NME7: variants seen among roughly 807,000 people sequenced by gnomAD.
NME7 encodes the protein nucleoside diphosphate kinase 7.
Under a neutral mutation model 49.1 loss-of-function variants are expected in NME7, and 41 were observed. The observed-to-expected ratio is 0.83, with a 90% CI of 0.65 to 1.08. The LOEUF (loss-of-function observed/expected upper bound fraction) is 1.08, where lower values mean the gene tolerates loss of function less well. Ranked by LOEUF, NME7 falls within the 50% of genes least tolerant of loss-of-function variation. The pLI is 0.00. For synonymous variants in NME7, 139 were observed against 150.6 expected, an observed-to-expected ratio of 0.92 and a Z score of 0.56; for missense variants, 423 against 463.4, an observed-to-expected ratio of 0.91 and a Z score of 0.80.
At chr1:169,233,082 C>A (rs1248149816) in intron 9 of NME7, among the ~76,000 whole-genome samples, 2 of 149,314 alleles carry the variant, frequency 1.3e-5, no homozygotes, top group East Asian at 4.0e-4. Flanking sequence ...CCACATCTAG[C>A]TAATTTTTGT....
At chr1:169,243,297 T>C (rs1351218190) in intron 7 of NME7, among the ~76,000 whole-genome samples, 1 of 152,164 alleles carries the variant, frequency 6.6e-6, no homozygotes, top group East Asian at 1.9e-4. Context: ...AGAGATAACT[T>C]TTCAACAAAC....
rs374812223 is a variant in NME7 at position 169,255,960 on chromosome 1, A to T, written c.755-18273T>A. 2.3e-5 allele frequency among the ~76,000 whole-genome samples: 3 copies of T among 132,688 alleles called. 1 individual carries two copies. Among genetic ancestry groups the T allele is most frequent in the Admixed American group, 1.5e-4 (2 of 13,490 alleles). The allele number at this position is 132,688 out of a possible 152,430, so 87.0% of individuals were successfully genotyped here. A position where few individuals can be genotyped will look rare whatever the true frequency, so the allele number is the denominator to read the frequency against. Reference sequence around the variant, plus strand: ...TGTTAGTCTGATGGGCTTTCCTTTGAGGGTAACCCGACCTTTCTCTCTGGC... The same window carrying T: ...TGTTAGTCTGATGGGCTTTCCTTTGTGGGTAACCCGACCTTTCTCTCTGGC... On this transcript the variant is annotated intron_variant, in intron 7 of 11. Transcript: ENST00000367811.
intron 11 of NME7, among the ~76,000 whole-genome samples, chr1:169,142,182 A>T (rs1341479667): frequency 6.6e-6 from 1 of 152,220 alleles, no homozygotes; most frequent in Non-Finnish European, 1.5e-5. Context: ...GCATAGTAAG[A>T]TTCAAGTTCA....
chr1:169,253,705 T>C (rs1365342835), intron 7 of NME7, among the ~76,000 whole-genome samples: 3 of 152,230 alleles, frequency 2.0e-5, no homozygotes, highest in African/African-American at 4.8e-5. Context: ...GGGTTTGTCA[T>C]AGATAGCTCT....
intron 11 of NME7, among the ~76,000 whole-genome samples, chr1:169,155,037 T>C (rs1659027854): frequency 6.6e-6 from 1 of 152,128 alleles, no homozygotes; most frequent in Non-Finnish European, 1.5e-5. Context: ...CTTGAACTCC[T>C]TGGCTCAAGC....
intron 6 of NME7, among the ~76,000 whole-genome samples, chr1:169,295,172 G>C (rs1012743085): frequency 6.6e-6 from 1 of 152,094 alleles, no homozygotes; most frequent in African/African-American, 2.4e-5. Flanking sequence ...TCAGGACTAT[G>C]AGCCAAATAA....
intron 1 of NME7, among the ~76,000 whole-genome samples, chr1:169,327,557 T>C (rs769142500): frequency 2.0e-5 from 3 of 152,116 alleles, no homozygotes; most frequent in Non-Finnish European, 4.4e-5. Flanking sequence ...AAGGTCTCTG[T>C]CTATACAGAG....
chr1:169,220,619 T>C (rs1463540420), intron 10 of NME7, among the ~76,000 whole-genome samples: 1 of 152,216 alleles, frequency 6.6e-6, no homozygotes, highest in Non-Finnish European at 1.5e-5. Flanking sequence ...GTATTACAAG[T>C]TATTGCATGC....
At chr1:169,234,395 T>TTATC (rs200636505) in intron 9 of NME7, among the ~76,000 whole-genome samples, 112 of 152,174 alleles carry the variant, frequency 7.4e-4, no homozygotes, top group Admixed American at 5.6e-3. Flanking sequence ...GAGATAGGAA[T>TTATC]TATCACCTTT....
chr1:169,295,207 A>G (rs966884504), intron 6 of NME7, among the ~76,000 whole-genome samples: 1 of 152,190 alleles, frequency 6.6e-6, no homozygotes, highest in Non-Finnish European at 1.5e-5. Context: ...TAAATGACCC[A>G]GCCTCAGGTA....
chr1:169,344,510 G>A (rs575253932), intron 1 of NME7, among the ~76,000 whole-genome samples: 3 of 152,292 alleles, frequency 2.0e-5, no homozygotes, highest in South Asian at 2.1e-4. Context: ...GTTGCTAGCT[G>A]CAGCTTTTTC....
chr1:169,298,461 T>C, intron 6 of NME7, 95 bp downstream of exon 6: 1 of 1,270,672 alleles, frequency 7.9e-7, no homozygotes, highest in Non-Finnish European at 1.1e-6. Context: ...GCAGCATAAA[T>C]CCACCCTAAG....
chr1:169,317,355 G>GA (rs1353573581), intron 3 of NME7, among the ~76,000 whole-genome samples: 1 of 152,120 alleles, frequency 6.6e-6, no homozygotes, highest in Non-Finnish European at 1.5e-5. Flanking sequence ...TTATTTTACA[G>GA]AAAAAAATAT....
intron 11 of NME7, among the ~76,000 whole-genome samples, chr1:169,142,834 A>G (rs2101811661): frequency 6.6e-6 from 1 of 152,306 alleles, no homozygotes; most frequent in Non-Finnish European, 1.5e-5. Flanking sequence ...CTCGCATGGC[A>G]TCCTGGAGCC....
chr1:169,367,611 A>T (rs2101998825), intron 1 of NME7, 97 bp downstream of exon 1: 1 of 1,356,748 alleles, frequency 7.4e-7, no homozygotes. Flanking sequence ...GAAGGTCGGG[A>T]GGACCGGACA....
rs200644365 is a variant in NME7, at chr1:169,287,336, A to G, written c.721T>C (p.Cys241Arg). ...ANTAKFTNCT[C>R]CIVKPHAVSE... Reference sequence around the variant, plus strand: ...ACAGCATGGGGTTTAACAATGCAACAGGTACAATTAGTAAATTTAGCAGTG... The same window carrying G: ...ACAGCATGGGGTTTAACAATGCAACGGGTACAATTAGTAAATTTAGCAGTG... The change falls in exon 7 of 12, where the codon TGT becomes CGT. Residue 241 changes from cysteine to arginine, a missense_variant. Transcript: ENST00000367811. 21 of 1,611,662 alleles carry G rather than the reference A, an allele frequency of 1.3e-5. No individual in the cohort carries two copies. The East Asian group carries it at 4.5e-4, about 34-fold the overall frequency.
intron 10 of NME7, among the ~76,000 whole-genome samples, chr1:169,183,518 CT>C (rs1659980601): frequency 6.6e-6 from 1 of 152,112 alleles, no homozygotes; most frequent in Non-Finnish European, 1.5e-5. Flanking sequence ...AAGAAAAGCC[CT>C]GGCCGGGCAC....
chr1:169,265,158 C>T (rs578227486), intron 7 of NME7, among the ~76,000 whole-genome samples: 2 of 133,122 alleles, frequency 1.5e-5, no homozygotes, highest in Admixed American at 7.4e-5. Flanking sequence ...AACCACAATT[C>T]AAGATGAGAT....
At chr1:169,296,944 C>T (rs996117948) in intron 6 of NME7, among the ~76,000 whole-genome samples, 1 of 151,880 alleles carries the variant, frequency 6.6e-6, no homozygotes, top group Non-Finnish European at 1.5e-5. Context: ...TGATTAGGCT[C>T]CCTGTTGCTG....
Sources: allele counts gnomAD v4.1 joint callset (sites outside exome capture counted in the v4.1 genomes callset), GRCh38; gene constraint gnomAD v4.1.1; transcripts MANE v1.5; gene names NCBI Gene and HGNC (gene_info 2026-07-23, HGNC 2026-07-21).